DPYD: variants seen among roughly 807,000 people sequenced by gnomAD.
DPYD encodes dihydropyrimidine dehydrogenase [NADP(+)].
DPYD carries 109 observed loss-of-function variants against 116.2 expected under a neutral mutation model. The observed-to-expected ratio is 0.94, with a 90% CI of 0.80 to 1.10. The LOEUF (loss-of-function observed/expected upper bound fraction) is 1.10, where lower values mean the gene tolerates loss of function less well. DPYD is among the 50% of genes least tolerant of loss of function. The probability of loss-of-function intolerance (pLI) is 0.00; values close to 1 mark genes in which losing one functional copy is unlikely to be tolerated. For synonymous variants in DPYD, 440 were observed against 432.0 expected (o/e 1.02, Z -0.23); for missense variants, 1,302 against 1,254.5 (o/e 1.04, Z -0.57).
chr1:97,501,423 C>A (rs759886199), intron 13 of DPYD, among the ~76,000 whole-genome samples: 2 of 151,930 alleles, frequency 1.3e-5, no homozygotes, highest in South Asian at 2.1e-4. Context: ...TTAATGTGGC[C>A]TGGTGCAGTG....
At chr1:97,256,653 C>G (rs1398695654) in intron 18 of DPYD, among the ~76,000 whole-genome samples, 1 of 152,070 alleles carries the variant, frequency 6.6e-6, no homozygotes, top group Admixed American at 6.6e-5. Context: ...TATAAATTAT[C>G]CAGTCTCAGG....
intron 1 of DPYD, among the ~76,000 whole-genome samples, chr1:97,885,388 A>G (rs1190093303): frequency 6.6e-6 from 1 of 152,056 alleles, no homozygotes; most frequent in Admixed American, 6.6e-5. Flanking sequence ...CACAATCAAC[A>G]TATCTAAAGT....
chr1:97,635,811 T>A (rs942563318), intron 8 of DPYD, among the ~76,000 whole-genome samples: 1 of 152,102 alleles, frequency 6.6e-6, no homozygotes, highest in African/African-American at 2.4e-5. Flanking sequence ...CTCATAATTG[T>A]TTTTATTTGT....
chr1:97,080,903 T>C (rs1003723036), intron 22 of DPYD, among the ~76,000 whole-genome samples: 1 of 152,114 alleles, frequency 6.6e-6, no homozygotes, highest in Admixed American at 6.6e-5. Flanking sequence ...AGTCTAGAAT[T>C]CCACGGTGGG....
chr1:97,262,828 C>T (rs1452819533), intron 18 of DPYD, among the ~76,000 whole-genome samples: 2 of 151,992 alleles, frequency 1.3e-5, no homozygotes, highest in East Asian at 3.9e-4. Flanking sequence ...ATGAATGTTA[C>T]ACTTCATTTA....
chr1:97,355,338 G>A (rs1365044893), intron 16 of DPYD, among the ~76,000 whole-genome samples: 5 of 152,066 alleles, frequency 3.3e-5, no homozygotes, highest in African/African-American at 7.2e-5. Context: ...CAATGTATAC[G>A]TTAAAATTAA....
intron 16 of DPYD, among the ~76,000 whole-genome samples, chr1:97,366,965 T>TA (rs1327046753): frequency 5.3e-5 from 8 of 152,244 alleles, no homozygotes; most frequent in Non-Finnish European, 1.2e-4. Context: ...GTTTTGGTTT[T>TA]AAAAAAGTGT....
chr1:97,241,084 T>A (rs1430062332), intron 18 of DPYD, among the ~76,000 whole-genome samples: 1 of 152,088 alleles, frequency 6.6e-6, no homozygotes, highest in African/African-American at 2.4e-5. Flanking sequence ...AATGTTTTAA[T>A]TTTAGTTGAA....
chr1:97,498,166 G>A (rs1170133381), intron 13 of DPYD, among the ~76,000 whole-genome samples: 1 of 151,676 alleles, frequency 6.6e-6, no homozygotes, highest in Non-Finnish European at 1.5e-5. Flanking sequence ...GCGGGATGTG[G>A]GGAATGGGGA....
chr1:97,817,504 CT>C lies in DPYD; in HGVS notation c.233+10609del, dbSNP rs554674151. The stretch of plus-strand genomic sequence containing the variant: ...AATGTCTATCTTCCAGAAGAGATGA[CT>C]TACAAAAAAACATAGGGCCAGCTAT... On this transcript the variant is annotated intron_variant, in intron 3 of 22. Transcript: ENST00000370192. 2.7e-3 allele frequency among the ~76,000 whole-genome samples: 417 copies of C among 151,942 alleles called. 2 individuals carry two copies. Among genetic ancestry groups the C allele is most frequent in the African/African-American group, 8.9e-3 (371 of 41,482 alleles).
chr1:97,390,168 A>G (rs1672616905), intron 14 of DPYD, among the ~76,000 whole-genome samples: 1 of 152,086 alleles, frequency 6.6e-6, no homozygotes, highest in Non-Finnish European at 1.5e-5. Flanking sequence ...CTATTTTGGT[A>G]TTCTGTAACC....
intron 13 of DPYD, among the ~76,000 whole-genome samples, chr1:97,497,432 G>C (rs1395515834): frequency 1.3e-5 from 2 of 151,676 alleles, no homozygotes; most frequent in Non-Finnish European, 3.0e-5. Context: ...ACAGAACTGG[G>C]TCAAATTGCC....
At chr1:97,547,056 ATGT>A in intron 12 of DPYD, 1 of 1,105,238 alleles carries the variant, frequency 9.0e-7, no homozygotes, top group Non-Finnish European at 1.4e-6. Flanking sequence ...TACAGAACTG[ATGT>A]TGAGGGAGGT....
intron 16 of DPYD, among the ~76,000 whole-genome samples, chr1:97,372,780 T>C (rs1184106450): frequency 2.0e-5 from 3 of 151,558 alleles, no homozygotes; most frequent in African/African-American, 7.3e-5. Context: ...AAGTACAAGA[T>C]CCTGTGCCAG....
chr1:97,112,891 T>C (rs1651704800), intron 20 of DPYD, among the ~76,000 whole-genome samples: 1 of 152,194 alleles, frequency 6.6e-6, no homozygotes, highest in African/African-American at 2.4e-5. Flanking sequence ...TAATAAATTC[T>C]TGACAGGATA....
intron 20 of DPYD, among the ~76,000 whole-genome samples, chr1:97,137,040 A>G (rs1172742243): frequency 6.6e-6 from 1 of 152,198 alleles, no homozygotes; most frequent in Non-Finnish European, 1.5e-5. Context: ...TTTCCAGTGG[A>G]GCCTAAGGAT....
intron 13 of DPYD, among the ~76,000 whole-genome samples, chr1:97,495,593 AGTTT>A (rs1167221133): frequency 2.0e-5 from 3 of 152,048 alleles, no homozygotes; most frequent in Non-Finnish European, 4.4e-5. Flanking sequence ...GCTGTAAGAC[AGTTT>A]GTTAACAATT....
chr1:97,583,893 T>C lies in DPYD; in HGVS notation c.1128+9325A>G, dbSNP rs1242087715. ...AAACATACATGTGCATGTGTCTTCA[T>C]AGCACCATGATTTATAATCCTTTGG... On this transcript the variant is annotated intron_variant, in intron 10 of 22. Transcript: ENST00000370192. Among the ~76,000 whole-genome samples the C allele has an allele frequency of 4.6e-5, 7 of 152,300 alleles. No homozygotes were observed. In the South Asian group the frequency reaches 1.0e-3, roughly 23 times the overall value.
At position 97,382,388 on chromosome 1, in the gene DPYD, A is replaced by G. The variant is rs2101564439; in HGVS notation, c.1974+5T>C. ...AAAATAAATATATACTAAAGTAACC[A>G]TTACCTCAGACTTCTTGGCAAGTTC... On this transcript the variant is annotated splice_donor_5th_base_variant and intron_variant, in intron 15 of 22. Coordinates refer to ENST00000370192, the MANE Select transcript of DPYD (RefSeq NM_000110.4). 1 of 1,572,806 alleles carries G rather than the reference A, an allele frequency of 6.4e-7. No individual in the cohort carries two copies. The highest frequency in any genetic ancestry group is 1.3e-5 in the African/African-American group (1 of 74,198).
Sources: allele counts gnomAD v4.1 joint callset (sites outside exome capture counted in the v4.1 genomes callset), GRCh38; gene constraint gnomAD v4.1.1; transcripts MANE v1.5; gene names NCBI Gene and HGNC (gene_info 2026-07-23, HGNC 2026-07-21).